The following OPCML variants were observed in gnomAD, a reference collection of about 807,000 sequenced individuals.
OPCML encodes the protein opioid binding protein/cell adhesion molecule like.
OPCML carries 13 observed loss-of-function variants against 37.8 expected under a neutral mutation model. The ratio of observed to expected loss-of-function variants is 0.34; its 90% CI spans 0.22 to 0.55. The LOEUF is 0.55. Among genes scored for constraint, OPCML ranks in the 20% least tolerant of loss-of-function variants. The probability of loss-of-function intolerance (pLI) is 0.91; values close to 1 mark genes in which losing one functional copy is unlikely to be tolerated. For missense variants in OPCML, 341 were observed against 435.6 expected (o/e 0.78, Z 1.93); for synonymous variants, 176 against 168.8 (o/e 1.04, Z -0.33).
intron 1 of OPCML, among the ~76,000 whole-genome samples, chr11:133,150,431 C>T (rs911712972): frequency 1.3e-5 from 2 of 152,284 alleles, no homozygotes; most frequent in South Asian, 4.1e-4. Context: ...GGTTTCAACC[C>T]AGGACTCTGA....
intron 2 of OPCML, among the ~76,000 whole-genome samples, chr11:132,749,715 C>T (rs200938987): frequency 4.0e-5 from 6 of 151,858 alleles, no homozygotes; most frequent in South Asian, 2.1e-4. Context: ...CTGAGAAATC[C>T]GGTATTTAGG....
At chr11:133,216,924 T>C (rs915018074) in intron 1 of OPCML, among the ~76,000 whole-genome samples, 1 of 152,204 alleles carries the variant, frequency 6.6e-6, no homozygotes, top group Non-Finnish European at 1.5e-5. Context: ...TTTATAGATA[T>C]ATATTTTACA....
chr11:133,186,929 G>A (rs1938107724), intron 1 of OPCML, among the ~76,000 whole-genome samples: 1 of 152,122 alleles, frequency 6.6e-6, no homozygotes, highest in African/African-American at 2.4e-5. Flanking sequence ...CTGGAACAGG[G>A]TGAGTCTGGT....
chr11:132,869,284 C>T (rs536928239), intron 2 of OPCML, among the ~76,000 whole-genome samples: 2 of 152,240 alleles, frequency 1.3e-5, no homozygotes, highest in South Asian at 2.1e-4. Context: ...AAGCAAACAC[C>T]GAATGCCCAT....
chr11:133,479,866 C>T (rs12278717), intron 1 of OPCML, among the ~76,000 whole-genome samples: 38 of 152,342 alleles, frequency 2.5e-4, no homozygotes, highest in South Asian at 8.3e-4. Context: ...TCTCCACCCA[C>T]GATGCTAAGG....
At chr11:132,705,901 G>T (rs941518602) in intron 2 of OPCML, among the ~76,000 whole-genome samples, 8 of 152,144 alleles carry the variant, frequency 5.3e-5, no homozygotes, top group African/African-American at 1.7e-4. Context: ...TCCACCTCCC[G>T]GGTTCAAGTG....
At chr11:133,232,300 G>T (rs939274163) in intron 1 of OPCML, among the ~76,000 whole-genome samples, 2 of 152,182 alleles carry the variant, frequency 1.3e-5, no homozygotes, top group East Asian at 3.8e-4. Context: ...TAGAGAAAGC[G>T]CAGAGTTTAG....
chr11:132,487,171 A>G (rs2096202522), intron 4 of OPCML, among the ~76,000 whole-genome samples: 1 of 152,226 alleles, frequency 6.6e-6, no homozygotes, highest in African/African-American at 2.4e-5. Flanking sequence ...GTTGCTACAT[A>G]AAGAAAAACA....
At chr11:132,491,145 C>T (rs924659065) in intron 4 of OPCML, among the ~76,000 whole-genome samples, 3 of 152,234 alleles carry the variant, frequency 2.0e-5, no homozygotes, top group Admixed American at 1.3e-4. Context: ...CAAGAATGAC[C>T]TCAGCAACTC....
intron 1 of OPCML, among the ~76,000 whole-genome samples, chr11:132,966,394 T>C (rs929567481): frequency 6.6e-6 from 1 of 152,148 alleles, no homozygotes; most frequent in African/African-American, 2.4e-5. Context: ...CACTGTATGA[T>C]TTTGATCAAG....
intron 1 of OPCML, among the ~76,000 whole-genome samples, chr11:133,052,677 G>T (rs1311935933): frequency 2.6e-5 from 4 of 152,190 alleles, no homozygotes; most frequent in African/African-American, 9.6e-5. Context: ...TGTCCTTGGG[G>T]ATAGTGATTG....
chr11:132,720,322 CGTT>C (rs1944634333), intron 2 of OPCML, among the ~76,000 whole-genome samples: 1 of 152,204 alleles, frequency 6.6e-6, no homozygotes, highest in South Asian at 2.1e-4. Context: ...TCTCCCAAGT[CGTT>C]GTGGGCTACC....
intron 1 of OPCML, among the ~76,000 whole-genome samples, chr11:133,280,497 C>T (rs554261032): frequency 1.3e-4 from 20 of 152,274 alleles, no homozygotes; most frequent in African/African-American, 4.8e-4. Context: ...ACCTACTCTG[C>T]CCTCCCCATT....
In OPCML at chr11:132,415,807, T is replaced by G. The variant is rs1393394449; in HGVS notation, c.*4386A>C. 6.6e-6 allele frequency: 1 copy of G among 152,652 alleles called. No homozygotes were observed. Among genetic ancestry groups the G allele is most frequent in the Non-Finnish European group, 1.5e-5 (1 of 68,054 alleles). 9.5% of individuals were successfully genotyped at this position (152,652 alleles called of 1,614,324 possible). On this transcript the variant is annotated 3_prime_UTR_variant, in exon 8 of 8. Coordinates refer to ENST00000524381, the MANE Select transcript of OPCML (RefSeq NM_001012393.5). Reference sequence around the variant, plus strand: ...TTTGCCACATCTTTAATTACAAATCTATTTCTTCTTCCTTTCATTTACTTC... The same window carrying G: ...TTTGCCACATCTTTAATTACAAATCGATTTCTTCTTCCTTTCATTTACTTC...
At chr11:132,622,977 A>G (rs544518194) in intron 3 of OPCML, among the ~76,000 whole-genome samples, 1 of 152,316 alleles carries the variant, frequency 6.6e-6, no homozygotes, top group Non-Finnish European at 1.5e-5. Context: ...AATGGCGGTC[A>G]TTTAAACGAG....
chr11:133,166,009 C>G (rs1950203974), intron 1 of OPCML, among the ~76,000 whole-genome samples: 1 of 152,228 alleles, frequency 6.6e-6, no homozygotes, highest in Non-Finnish European at 1.5e-5. Flanking sequence ...AATGCCTATT[C>G]TGTGTCAACT....
In OPCML at chr11:133,274,633, A is replaced by G. The variant is rs933365032; in HGVS notation, c.61+257631T>C. Among the ~76,000 whole-genome samples, 3 of 152,154 alleles carry G rather than the reference A, an allele frequency of 2.0e-5. No individual in the cohort carries two copies. The South Asian group carries it at 6.2e-4, about 32-fold the overall frequency. On this transcript the variant is annotated intron_variant, in intron 1 of 7. Transcript: ENST00000524381. ...GTACTTTGTTATGGGAGCCCTGGGA[A>G]ACCGGCACAGCCCCTCGGTGCTGGG...
At chr11:133,454,694 C>T (rs1946641885) in intron 1 of OPCML, among the ~76,000 whole-genome samples, 1 of 152,110 alleles carries the variant, frequency 6.6e-6, no homozygotes, top group South Asian at 2.1e-4. Flanking sequence ...TATTAGTATT[C>T]TGACTATAAA....
At chr11:132,456,094 G>T (rs770181445) in intron 4 of OPCML, among the ~76,000 whole-genome samples, 2 of 152,194 alleles carry the variant, frequency 1.3e-5, no homozygotes, top group East Asian at 1.9e-4. Flanking sequence ...TGTTCATATT[G>T]TCTCTCTCCC....
Sources: gnomAD v4.1 joint callset for allele counts (sites outside exome capture counted in the v4.1 genomes callset) on GRCh38, gnomAD v4.1.1 for gene constraint, MANE v1.5 for transcripts, NCBI Gene and HGNC (gene_info 2026-07-23, HGNC 2026-07-21) for gene names.